NIBAN2: variants seen among roughly 807,000 people sequenced by gnomAD.
The protein encoded by NIBAN2 is protein Niban 2.
A neutral mutation model predicts 81.8 loss-of-function variants in NIBAN2; 36 were observed. That is an observed-to-expected ratio of 0.44 (90% CI 0.34 to 0.58). The LOEUF (loss-of-function observed/expected upper bound fraction) is 0.58, where lower values mean the gene tolerates loss of function less well. Ranked by LOEUF, NIBAN2 falls within the 20% of genes least tolerant of loss-of-function variation. The pLI, the probability that NIBAN2 is intolerant of heterozygous loss-of-function variation, is 0.02. For missense variants in NIBAN2, 897 were observed against 1,014.1 expected (o/e 0.88, Z 1.57); for synonymous variants, 445 against 441.6 (o/e 1.01, Z -0.10).
At chr9:127,524,899 T>C in intron 4 of NIBAN2, 159 bp downstream of exon 4, 1 of 600,084 alleles carries the variant, frequency 1.7e-6, no homozygotes, top group Non-Finnish European at 3.0e-6. Flanking sequence ...CTTAGGGAGA[T>C]GCGAAAGGCA....
intron 1 of NIBAN2, among the ~76,000 whole-genome samples, chr9:127,543,305 C>T (rs547229577): frequency 7.9e-5 from 12 of 152,174 alleles, no homozygotes; most frequent in East Asian, 1.9e-4. Context: ...GACATAGACC[C>T]GGACAACAGC....
intron 2 of NIBAN2, among the ~76,000 whole-genome samples, chr9:127,529,660 C>A (rs1837142355): frequency 6.6e-6 from 1 of 152,068 alleles, no homozygotes; most frequent in Non-Finnish European, 1.5e-5. Context: ...AACAAAAAGA[C>A]AACTGCTGTT....
upstream of NIBAN2, among the ~76,000 whole-genome samples, chr9:127,573,716 C>T (rs1041839097): frequency 6.6e-6 from 1 of 152,122 alleles, no homozygotes; most frequent in Non-Finnish European, 1.5e-5. Context: ...TGCAGTGGCA[C>T]GATCTCTGCT....
chr9:127,564,864 C>CAA (rs80188088), intron 1 of NIBAN2, among the ~76,000 whole-genome samples: 5 of 118,564 alleles, frequency 4.2e-5, no homozygotes, highest in African/African-American at 6.3e-5. Context: ...GACGCCATCT[C>CAA]AAAAAAAAAA....
chr9:127,527,883 C>T lies in NIBAN2; in HGVS notation c.187-561G>A, dbSNP rs1039958434. 4.6e-5 allele frequency among the ~76,000 whole-genome samples: 7 copies of T among 152,056 alleles called. No individual in the cohort carries two copies. In the East Asian group the frequency reaches 5.8e-4, roughly 13 times the overall value. ...CTGTCAGCTCTGATGGCTGATGAGA[C>T]GCCTTCCTAAAAAGGAGTAGGGGGA... On this transcript the variant is annotated intron_variant, in intron 2 of 13. Transcript: ENST00000373312.
intron 4 of NIBAN2, among the ~76,000 whole-genome samples, chr9:127,524,605 C>A (rs1211203549): frequency 6.6e-6 from 1 of 152,002 alleles, no homozygotes; most frequent in Non-Finnish European, 1.5e-5. Context: ...GAATGCCGCT[C>A]GAATCCAGGA....
upstream of NIBAN2, among the ~76,000 whole-genome samples, chr9:127,573,572 A>C (rs4837167): frequency 0.028 from 4,204 of 152,108 alleles, 80 homozygotes; most frequent in Middle Eastern, 0.048. Flanking sequence ...CTCACGCTGG[A>C]GGCCATTTTG....
chr9:127,519,850 G>A (rs976700488), intron 5 of NIBAN2, among the ~76,000 whole-genome samples: 3 of 152,214 alleles, frequency 2.0e-5, no homozygotes, highest in Non-Finnish European at 2.9e-5. Flanking sequence ...CCTCTCAGAA[G>A]GGCATGGTTT....
chr9:127,577,877 G>A (rs1838027712), intron 1 of NIBAN2, among the ~76,000 whole-genome samples: 1 of 151,874 alleles, frequency 6.6e-6, no homozygotes, highest in Non-Finnish European at 1.5e-5. Context: ...CACTACACCT[G>A]GCTTTAATTT....
At chr9:127,578,667 T>TA (rs1015593125) in intron 1 of NIBAN2, among the ~76,000 whole-genome samples, 2,151 of 137,854 alleles carry the variant, frequency 0.016, 53 homozygotes, top group African/African-American at 0.05. Flanking sequence ...AAACTCCGCC[T>TA]AAAAAAAAAA....
At position 127,536,815 on chromosome 9, in the gene NIBAN2, T is replaced by A. The variant is rs2132197890; in HGVS notation, c.56-5037A>T. Among the ~76,000 whole-genome samples, 1 of 152,288 alleles carries A rather than the reference T, an allele frequency of 6.6e-6. No homozygotes were observed. Among genetic ancestry groups the A allele is most frequent in the South Asian group, 2.1e-4 (1 of 4,826 alleles). ...CTCCTGGTCCTAGCTCTGGCCATTGTCTACAGGGCCCCACAGGCCCCCTAC... is the reference window on the plus strand; with the variant it reads ...CTCCTGGTCCTAGCTCTGGCCATTGACTACAGGGCCCCACAGGCCCCCTAC... On this transcript the variant is annotated intron_variant, in intron 1 of 13. Coordinates refer to ENST00000373312, the MANE Select transcript of NIBAN2 (RefSeq NM_022833.4). The surrounding 1 kb of genome is among the most constrained non-coding windows in gnomAD (Gnocchi z 4.0).
intron 2 of NIBAN2, among the ~76,000 whole-genome samples, chr9:127,530,505 G>A (rs57771840): frequency 6.6e-6 from 1 of 152,034 alleles, no homozygotes; most frequent in African/African-American, 2.4e-5. Context: ...GTCAATCACA[G>A]GTTCCTCTTC....
At chr9:127,519,820 TC>T (rs1359941993) in intron 5 of NIBAN2, among the ~76,000 whole-genome samples, 11 of 151,072 alleles carry the variant, frequency 7.3e-5, no homozygotes, top group African/African-American at 2.7e-4. Context: ...GGGAAGGAGG[TC>T]CCCCCGCCAC....
intron 8 of NIBAN2, among the ~76,000 whole-genome samples, chr9:127,512,942 C>CA (rs1413419497): frequency 2.6e-5 from 4 of 152,278 alleles, no homozygotes; most frequent in Admixed American, 2.6e-4. Context: ...GCTCTGTTCA[C>CA]AACAACCAAG....
intron 1 of NIBAN2, among the ~76,000 whole-genome samples, chr9:127,533,502 G>A (rs772653879): frequency 6.6e-5 from 10 of 152,168 alleles, no homozygotes; most frequent in Middle Eastern, 3.4e-3. Flanking sequence ...GTGTGGTGGC[G>A]TGTGCCTGTA....
At chr9:127,548,925 C>T (rs963437723) in intron 1 of NIBAN2, among the ~76,000 whole-genome samples, 15 of 152,212 alleles carry the variant, frequency 9.9e-5, no homozygotes, top group African/African-American at 3.1e-4. Flanking sequence ...GGCTTTCTAA[C>T]GGCCTCAGAT....
intron 1 of NIBAN2, among the ~76,000 whole-genome samples, chr9:127,547,633 T>C (rs572066770): frequency 6.6e-6 from 1 of 151,878 alleles, no homozygotes; most frequent in South Asian, 2.1e-4. Flanking sequence ...AGGTCGGGAG[T>C]TCGAGACCAA....
At chr9:127,519,290 G>C (rs1836891680) in intron 5 of NIBAN2, among the ~76,000 whole-genome samples, 1 of 151,674 alleles carries the variant, frequency 6.6e-6, no homozygotes, top group South Asian at 2.1e-4. Flanking sequence ...CCAAACGCCA[G>C]CAAGGTAAAC....
chr9:127,523,671 C>G lies in NIBAN2; in HGVS notation c.589+8G>C. ...CTCCCACCGACCCTGCACCCACAGG[C>G]CACTCACCATTGTTGCAGTGCCGGA... On this transcript the variant is annotated splice_region_variant and intron_variant, in intron 5 of 13. Transcript: ENST00000373312. The G allele has an allele frequency of 6.2e-7, 1 of 1,605,454 alleles. No individual in the cohort carries two copies. Among genetic ancestry groups the G allele is most frequent in the South Asian group, 1.1e-5 (1 of 90,942 alleles).
Sources: allele counts gnomAD v4.1 joint callset (sites outside exome capture counted in the v4.1 genomes callset), GRCh38; gene constraint gnomAD v4.1.1; non-coding constraint Gnocchi (gnomAD v3.1); transcripts MANE v1.5; gene names NCBI Gene and HGNC (gene_info 2026-07-23, HGNC 2026-07-21).